USP8: variants seen among roughly 807,000 people sequenced by gnomAD.
The protein encoded by USP8 is ubiquitin specific peptidase 8.
In USP8, 27 loss-of-function variants were observed where a neutral mutation model predicts 130.0. The ratio of observed to expected loss-of-function variants is 0.21; its 90% CI spans 0.15 to 0.29. The LOEUF (loss-of-function observed/expected upper bound fraction) is 0.29. USP8 is among the 10% of genes least tolerant of loss of function. The pLI is 1.00. For synonymous variants in USP8, 392 were observed against 444.1 expected, an observed-to-expected ratio of 0.88 and a Z score of 1.48; for missense variants, 1,029 against 1,312.2, an observed-to-expected ratio of 0.78 and a Z score of 3.33.
chr15:50,495,744 C>A, intron 16 of USP8, 104 bp from the exon 17 acceptor site: 1 of 879,146 alleles, frequency 1.1e-6, no homozygotes, highest in Non-Finnish European at 1.7e-6. Flanking sequence ...ATGAGAACTA[C>A]AGGTGTTTCT....
rs116749090 is a variant in USP8, at chr15:50,448,983, C to T, written c.250-417C>T. On this transcript the variant is annotated intron_variant, in intron 3 of 19. Coordinates refer to ENST00000307179, the MANE Select transcript of USP8 (RefSeq NM_005154.5). Reference sequence around the variant, plus strand: ...TGGAAGCAAAAATATCTGTTTAGAACAAGTAAACAAAACACATTCCATGTT... The same window carrying T: ...TGGAAGCAAAAATATCTGTTTAGAATAAGTAAACAAAACACATTCCATGTT... Among the ~76,000 whole-genome samples, 971 of 152,224 alleles carry T rather than the reference C, an allele frequency of 6.4e-3. 14 individuals carry two copies. Among genetic ancestry groups the T allele is most frequent in the African/African-American group, 0.022 (935 of 41,560 alleles).
intron 8 of USP8, among the ~76,000 whole-genome samples, chr15:50,475,477 AG>A (rs908260515): frequency 6.6e-6 from 1 of 152,144 alleles, no homozygotes; most frequent in African/African-American, 2.4e-5. Flanking sequence ...GCCTTTCTGA[AG>A]GGCAACTGGG....
chr15:50,480,086 A>G (rs776371216), intron 10 of USP8, among the ~76,000 whole-genome samples: 69 of 152,140 alleles, frequency 4.5e-4, no homozygotes, highest in Admixed American at 1.1e-3. Context: ...TAGTAGAAAA[A>G]CATAAATTCG....
At chr15:50,451,845 G>A (rs2050637881) in intron 4 of USP8, among the ~76,000 whole-genome samples, 1 of 152,232 alleles carries the variant, frequency 6.6e-6, no homozygotes, top group Non-Finnish European at 1.5e-5. Flanking sequence ...TCTGAGAATG[G>A]GCATGAGGGA....
At position 50,471,718 on chromosome 15, in the gene USP8, C is replaced by G. The variant is rs1200366362; in HGVS notation, c.772C>G (p.Leu258Val). 2 of 1,614,100 alleles carry G rather than the reference C, an allele frequency of 1.2e-6. No homozygotes were observed. Among genetic ancestry groups the G allele is most frequent in the Admixed American group, 1.7e-5 (1 of 60,010 alleles). ...GAGGGGGAATGTGGAGTATGTGGTA[C>G]TTCTTGACTGGTTTAGTTCTGCCAA... ...KKRGNVEYVV[L>V]LDWFSSAKDL... Residue 258 changes from leucine (L) to valine (V), a missense_variant, in exon 8 of 20, where the codon CTT (leucine) becomes GTT (valine). Leu to Val is a conservative substitution (Grantham distance 32). Coordinates refer to ENST00000307179, the MANE Select transcript of USP8 (RefSeq NM_005154.5).
intron 7 of USP8, among the ~76,000 whole-genome samples, chr15:50,468,666 AC>A (rs1319945173): frequency 1.3e-5 from 2 of 152,110 alleles, no homozygotes; most frequent in African/African-American, 2.4e-5. Flanking sequence ...TAAGCTCAGT[AC>A]CCAATAGTTA....
chr15:50,437,184 C>A (rs1284934217), intron 1 of USP8, among the ~76,000 whole-genome samples: 1 of 152,032 alleles, frequency 6.6e-6, no homozygotes, highest in East Asian at 1.9e-4. Context: ...TTCATATATT[C>A]TTTTATATGT....
intron 1 of USP8, 107 bp downstream of exon 1, chr15:50,424,621 C>G (rs1166788134): frequency 2.5e-6 from 1 of 397,218 alleles, no homozygotes; most frequent in African/African-American, 2.1e-5. Context: ...GAGACAAGCT[C>G]TGTCCGCGGA....
At chr15:50,464,236 T>C (rs1242549287) in intron 6 of USP8, among the ~76,000 whole-genome samples, 1 of 152,204 alleles carries the variant, frequency 6.6e-6, no homozygotes, top group Non-Finnish European at 1.5e-5. Flanking sequence ...ACCTCTGATG[T>C]AGAATAGCAA....
rs1280828263 is a variant in USP8 at position 50,430,542 on chromosome 15, C to T, written c.-66+6028C>T. Among the ~76,000 whole-genome samples, 7 of 151,976 alleles carry T rather than the reference C, an allele frequency of 4.6e-5. 1 individual carries two copies. The highest frequency in any genetic ancestry group is 4.2e-4 in the South Asian group (2 of 4,812). ...CCTTCCGAGAAGCTGGGACCACAGG[C>T]GCATGCCACCATGCCCTGCTAATTT... is the stretch of plus-strand genomic sequence containing the variant. On this transcript the variant is annotated intron_variant, in intron 1 of 19. Coordinates refer to ENST00000307179, the MANE Select transcript of USP8 (RefSeq NM_005154.5).
intron 3 of USP8, among the ~76,000 whole-genome samples, chr15:50,448,264 G>T (rs1033990288): frequency 2.0e-4 from 31 of 152,014 alleles, no homozygotes; most frequent in African/African-American, 7.5e-4. Context: ...TGTGCTAGTA[G>T]GCTCTATTTG....
chr15:50,468,786 T>C (rs1411185715), intron 7 of USP8, among the ~76,000 whole-genome samples: 1 of 152,142 alleles, frequency 6.6e-6, no homozygotes, highest in Non-Finnish European at 1.5e-5. Context: ...TCCCATATTC[T>C]TAACTTTTAA....
At chr15:50,491,140 A>G (rs967723056) in intron 14 of USP8, among the ~76,000 whole-genome samples, 5 of 152,178 alleles carry the variant, frequency 3.3e-5, no homozygotes, top group African/African-American at 7.2e-5. Context: ...TGATAGGGCT[A>G]TGAGGAGATG....
rs1412399327 is a variant in USP8, at chr15:50,492,920, A to G, written c.2447+7A>G. 6 of 1,609,408 alleles carry G rather than the reference A, an allele frequency of 3.7e-6. No homozygotes were observed. Among genetic ancestry groups the G allele is most frequent in the Non-Finnish European group, 5.1e-6 (6 of 1,176,178 alleles). ...ATCAGGATGATATTAACAGGTAAATACATGTCATACTTTTTGCATTATAAT... is the reference window on the plus strand; with the variant it reads ...ATCAGGATGATATTAACAGGTAAATGCATGTCATACTTTTTGCATTATAAT... On this transcript the variant is annotated splice_region_variant and intron_variant, in intron 15 of 19. Transcript: ENST00000307179.
chr15:50,453,596 A>G (rs4774571), intron 4 of USP8, among the ~76,000 whole-genome samples: 21,839 of 152,226 alleles, frequency 0.14, 2,011 homozygotes, highest in Middle Eastern at 0.28. Context: ...GTTGTTGAAT[A>G]TACTGTTCTC....
At chr15:50,447,576 CT>C (rs2050484072) in intron 3 of USP8, among the ~76,000 whole-genome samples, 3 of 150,938 alleles carry the variant, frequency 2.0e-5, no homozygotes, top group Admixed American at 2.0e-4. Flanking sequence ...TTTTTTTCCC[CT>C]CCGAGACAGA....
In USP8 at chr15:50,505,599, G is replaced by A. The variant is rs370560133; in HGVS notation, c.*6511G>A. On this transcript the variant is annotated 3_prime_UTR_variant, in exon 20 of 20. Coordinates refer to ENST00000307179, the MANE Select transcript of USP8 (RefSeq NM_005154.5). ...TAACAAAAAAGACTGATGAAGATCC[G>A]GGCAAATATAACCCAATATGAACAG... is the stretch of plus-strand genomic sequence containing the variant. 1.1e-4 allele frequency: 17 copies of A among 152,278 alleles called. No individual in the cohort carries two copies. Among genetic ancestry groups the A allele is most frequent in the African/African-American group, 3.8e-4 (16 of 41,566 alleles). The allele number at this position is 152,278 out of a possible 1,614,324, so 9.4% of individuals were successfully genotyped here. A position where few individuals can be genotyped will look rare whatever the true frequency, so the allele number is the denominator to read the frequency against.
intron 1 of USP8, among the ~76,000 whole-genome samples, chr15:50,434,115 T>TTTTGA (rs1421285346): frequency 6.6e-6 from 1 of 151,648 alleles, no homozygotes; most frequent in African/African-American, 2.4e-5. Context: ...TTTTGTTTTG[T>TTTTGA]TTTGTTTTGT....
intron 4 of USP8, chr15:50,458,572 C>A: frequency 6.2e-6 from 1 of 161,984 alleles, no homozygotes; most frequent in Admixed American, 6.0e-5. Context: ...AAAAATGTAA[C>A]TTGGGACCTT....
Sources: allele counts gnomAD v4.1 joint callset (sites outside exome capture counted in the v4.1 genomes callset), GRCh38; gene constraint gnomAD v4.1.1; transcripts MANE v1.5; gene names NCBI Gene and HGNC (gene_info 2026-07-23, HGNC 2026-07-21).